RIN2: variants seen among roughly 807,000 people sequenced by gnomAD.
RIN2 encodes the protein Ras and Rab interactor 2.
In RIN2, 36 loss-of-function variants were observed where a neutral mutation model predicts 78.0. The observed-to-expected ratio is 0.46, with a 90% CI of 0.35 to 0.61. The LOEUF is 0.61. Ranked by LOEUF, RIN2 falls within the 20% of genes least tolerant of loss-of-function variation. The pLI, the probability that RIN2 is intolerant of heterozygous loss-of-function variation, is 0.00. For missense variants in RIN2, 1,087 were observed against 1,159.7 expected (o/e 0.94, Z 0.91); for synonymous variants, 466 against 466.8 (o/e 1.00, Z 0.02).
In RIN2 at chr20:19,842,302, A is replaced by G. The variant is rs186117569; in HGVS notation, c.-37+42555A>G. Among the ~76,000 whole-genome samples the G allele has an allele frequency of 3.0e-4, 45 of 149,074 alleles. 1 individual carries two copies. In the East Asian group the frequency reaches 8.8e-3, roughly 29 times the overall value. On this transcript the variant is annotated intron_variant, in intron 2 of 12. Coordinates refer to ENST00000255006, the MANE Select transcript of RIN2 (RefSeq NM_018993.4). ...TAGTGGTGCGATCTTGGCTCACTGC[A>G]ACCTCTGCCTCCTGAGTTAAAGCAA... is the stretch of plus-strand genomic sequence containing the variant.
In RIN2 at chr20:19,975,308, G is replaced by A. The variant is rs761798904; in HGVS notation, c.1283G>A (p.Arg428Gln). Residue 428 changes from arginine (R) to glutamine (Q), a missense_variant, in exon 9 of 13, where the codon CGG (arginine) becomes CAG (glutamine). By Grantham distance (43) the Arg-to-Gln change is conservative. Transcript: ENST00000255006. The surrounding 1 kb of genome is among the most constrained non-coding windows in gnomAD (Gnocchi z 4.9). ...CCCCCGTGCCATGGAGGCCGGCAGC[G>A]GCTGAGCGACATGAGCATTTCTACT... ...SRPPCHGGRQ[R>Q]LSDMSISTSS... 2 of 1,606,964 alleles carry A rather than the reference G, an allele frequency of 1.2e-6. No homozygotes were observed. Among genetic ancestry groups the A allele is most frequent in the African/African-American group, 1.3e-5 (1 of 74,938 alleles).
chr20:19,825,940 G>A (rs966982861), intron 2 of RIN2, among the ~76,000 whole-genome samples: 2 of 152,216 alleles, frequency 1.3e-5, no homozygotes, highest in Non-Finnish European at 2.9e-5. Flanking sequence ...AACAATGATT[G>A]TAGGTATAGC....
chr20:19,938,385 ATTTT>A (rs551225883), intron 4 of RIN2, among the ~76,000 whole-genome samples: 1 of 148,022 alleles, frequency 6.8e-6, no homozygotes, highest in African/African-American at 2.5e-5. Context: ...CACCCAGCTA[ATTTT>A]TTTTTTTAAT....
At chr20:19,962,498 G>A (rs2041797215) in intron 6 of RIN2, among the ~76,000 whole-genome samples, 1 of 152,066 alleles carries the variant, frequency 6.6e-6, no homozygotes, top group South Asian at 2.1e-4. Flanking sequence ...GTGGCCGAAG[G>A]TTTTTCCCCC....
intron 2 of RIN2, among the ~76,000 whole-genome samples, chr20:19,835,079 A>AAGAAAG (rs1225746794): frequency 4.3e-5 from 6 of 139,622 alleles, no homozygotes; most frequent in African/African-American, 1.5e-4. Flanking sequence ...GAGAAAGAGA[A>AAGAAAG]AGAAAGAGAA....
chr20:19,994,317 A>G (rs543876969), intron 11 of RIN2, among the ~76,000 whole-genome samples: 1 of 152,346 alleles, frequency 6.6e-6, no homozygotes, highest in South Asian at 2.1e-4. Flanking sequence ...GCTACTGAGC[A>G]GTGGCAAAAA....
intron 2 of RIN2, among the ~76,000 whole-genome samples, chr20:19,854,057 T>C (rs1211099951): frequency 1.3e-5 from 2 of 152,212 alleles, no homozygotes; most frequent in Non-Finnish European, 2.9e-5. Flanking sequence ...AATTTTTGTA[T>C]AAGGTGTAAG....
At chr20:19,880,545 G>A (rs2037996723) in intron 2 of RIN2, among the ~76,000 whole-genome samples, 1 of 151,600 alleles carries the variant, frequency 6.6e-6, no homozygotes, top group Non-Finnish European at 1.5e-5. Context: ...ACAGATACAT[G>A]CCACCATGCC....
In RIN2 at chr20:19,783,048, A is replaced by G. The variant is rs1184975868; in HGVS notation, c.-162-16574A>G. 2.6e-5 allele frequency among the ~76,000 whole-genome samples: 4 copies of G among 152,166 alleles called. 1 individual carries two copies. The highest frequency in any genetic ancestry group is 1.3e-4 in the Admixed American group (2 of 15,280). On this transcript the variant is annotated intron_variant, in intron 1 of 12. Transcript: ENST00000255006. ...CAGGAATTCAAAGCAGCGGCCGCCT[A>G]TGGTCAGTGGTGGGTTCTCTTGAGT...
At chr20:19,950,301 TAA>T (rs2041262015) in intron 4 of RIN2, among the ~76,000 whole-genome samples, 1 of 152,196 alleles carries the variant, frequency 6.6e-6, no homozygotes, top group African/African-American at 2.4e-5. Context: ...TATCTGTACC[TAA>T]GTTTTATCTC....
At chr20:19,793,394 A>G (rs757186160) in intron 1 of RIN2, among the ~76,000 whole-genome samples, 2 of 152,196 alleles carry the variant, frequency 1.3e-5, no homozygotes, top group Non-Finnish European at 2.9e-5. Flanking sequence ...TGGCTCAGCC[A>G]CAGAGGGGCT....
intron 2 of RIN2, among the ~76,000 whole-genome samples, chr20:19,819,485 A>T (rs565128467): frequency 1.3e-5 from 2 of 152,192 alleles, no homozygotes; most frequent in African/African-American, 4.8e-5. Flanking sequence ...ACAAGAGGGG[A>T]CTTTCCCTTT....
chr20:19,888,504 C>G (rs1339451823), intron 2 of RIN2, among the ~76,000 whole-genome samples: 1 of 152,210 alleles, frequency 6.6e-6, no homozygotes, highest in Non-Finnish European at 1.5e-5. Flanking sequence ...CAGCAGCTGC[C>G]TTAGCTTCAG....
At chr20:19,926,698 G>T (rs962194161) in intron 3 of RIN2, among the ~76,000 whole-genome samples, 3 of 152,074 alleles carry the variant, frequency 2.0e-5, no homozygotes, top group Middle Eastern at 3.2e-3. Flanking sequence ...ATGCACTTGG[G>T]GAATGGAAAT....
intron 3 of RIN2, among the ~76,000 whole-genome samples, chr20:19,923,606 C>T (rs2040022965): frequency 6.6e-6 from 1 of 151,936 alleles, no homozygotes; most frequent in South Asian, 2.1e-4. Context: ...AGCAAGACTC[C>T]ATCTCTATTT....
intron 2 of RIN2, among the ~76,000 whole-genome samples, chr20:19,888,917 T>C (rs1398513757): frequency 6.6e-6 from 1 of 152,244 alleles, no homozygotes; most frequent in African/African-American, 2.4e-5. Context: ...AGAACTGTGT[T>C]GTTACCCTGC....
chr20:19,835,546 G>A (rs2036397289), intron 2 of RIN2, among the ~76,000 whole-genome samples: 1 of 152,088 alleles, frequency 6.6e-6, no homozygotes, highest in African/African-American at 2.4e-5. Flanking sequence ...ATTTACATGA[G>A]GCAATTAAAA....
intron 1 of RIN2, among the ~76,000 whole-genome samples, chr20:19,762,434 T>C (rs1386022335): frequency 6.6e-6 from 1 of 152,220 alleles, no homozygotes; most frequent in African/African-American, 2.4e-5. Context: ...CTGCAGACAT[T>C]TCTAGGTCTC....
At chr20:19,954,693 GCCCTGTGCCCCTCAC>G (rs138273314) in intron 4 of RIN2, among the ~76,000 whole-genome samples, 24,463 of 100,826 alleles carry the variant, frequency 0.24, 2,463 homozygotes, top group East Asian at 0.38. Context: ...GATACAAACT[GCCCTGTGCCCCTCAC>G]CCCTGTGTCC....
Sources: allele counts gnomAD v4.1 joint callset (sites outside exome capture counted in the v4.1 genomes callset), GRCh38; gene constraint gnomAD v4.1.1; non-coding constraint Gnocchi (gnomAD v3.1); transcripts MANE v1.5; gene names NCBI Gene and HGNC (gene_info 2026-07-23, HGNC 2026-07-21).